Variants in SLC35F1 observed in about 807,000 individuals in gnomAD.
The protein encoded by SLC35F1 is solute carrier family 35 member F1.
Under a neutral mutation model 48.7 loss-of-function variants are expected in SLC35F1, and 14 were observed. The ratio of observed to expected loss-of-function variants is 0.29; its 90% CI spans 0.19 to 0.45. The LOEUF (loss-of-function observed/expected upper bound fraction) is 0.45, where lower values mean the gene tolerates loss of function less well. Ranked by LOEUF, SLC35F1 falls within the 20% of genes least tolerant of loss-of-function variation. SLC35F1 has a pLI of 1.00. For missense variants in SLC35F1, 404 were observed against 500.0 expected (o/e 0.81, Z 1.83); for synonymous variants, 190 against 202.2 (o/e 0.94, Z 0.51).
chr6:118,280,755 G>T (rs2114636286), intron 6 of SLC35F1, among the ~76,000 whole-genome samples: 1 of 151,958 alleles, frequency 6.6e-6, no homozygotes, highest in South Asian at 2.1e-4. Context: ...GTGCATGCCT[G>T]TAGTCCCAGC....
intron 1 of SLC35F1, among the ~76,000 whole-genome samples, chr6:118,015,930 C>T (rs1014620473): frequency 1.3e-5 from 2 of 152,168 alleles, no homozygotes; most frequent in Admixed American, 6.5e-5. Flanking sequence ...GTGCTATGAA[C>T]AGCTAAGAAA....
chr6:118,016,908 C>T (rs1777330060), intron 1 of SLC35F1, among the ~76,000 whole-genome samples: 1 of 152,230 alleles, frequency 6.6e-6, no homozygotes, highest in Non-Finnish European at 1.5e-5. Flanking sequence ...CCACCCTCGA[C>T]ATCAATAACA....
At position 118,317,652 on chromosome 6, in the gene SLC35F1, A is replaced by G. The variant is rs1776455532; in HGVS notation, c.*3400A>G. Reference sequence around the variant, plus strand: ...GCCTGTATAATGTTTTCAAATAAAAATAAATGCTTTATGAAAGCACCGAAT... The same window carrying G: ...GCCTGTATAATGTTTTCAAATAAAAGTAAATGCTTTATGAAAGCACCGAAT... On this transcript the variant is annotated 3_prime_UTR_variant, in exon 8 of 8. Coordinates refer to ENST00000360388, the MANE Select transcript of SLC35F1 (RefSeq NM_001029858.4). 6.6e-6 allele frequency: 1 copy of G among 152,270 alleles called. No homozygotes were observed. Among genetic ancestry groups the G allele is most frequent in the Non-Finnish European group, 1.5e-5 (1 of 68,048 alleles). The allele number at this position is 152,270 out of a possible 1,614,324, so 9.4% of individuals were successfully genotyped here. A position where few individuals can be genotyped will look rare whatever the true frequency, so the allele number is the denominator to read the frequency against.
rs758520455 is a variant in SLC35F1, at chr6:118,305,048, ATGTGTGTGTGTGTGTG to A, written c.1003-8950_1003-8935del. Among the ~76,000 whole-genome samples, 17 of 80,224 alleles carry A rather than the reference ATGTGTGTGTGTGTGTG, an allele frequency of 2.1e-4. No homozygotes were observed. In the Middle Eastern group the frequency reaches 0.021, roughly 97 times the overall value. The allele number at this position is 80,224 out of a possible 152,430, so 52.6% of individuals were successfully genotyped here. On this transcript the variant is annotated intron_variant, in intron 7 of 7. Coordinates refer to ENST00000360388, the MANE Select transcript of SLC35F1 (RefSeq NM_001029858.4). Reference sequence around the variant, plus strand: ...TAGCAGAGAAACAGAATCAACAGGAATGTGTGTGTGTGTGTGTGTGTGTGTGTGTGTGTGTGTGTGT... The same window carrying A: ...TAGCAGAGAAACAGAATCAACAGGAATGTGTGTGTGTGTGTGTGTGTGTGT...
At chr6:117,936,759 AC>A (rs939512441) in intron 1 of SLC35F1, among the ~76,000 whole-genome samples, 3 of 152,200 alleles carry the variant, frequency 2.0e-5, no homozygotes, top group East Asian at 1.9e-4. Context: ...TTAAAAAAAA[AC>A]TTTGTATTTT....
chr6:117,921,093 T>C (rs1272710596), intron 1 of SLC35F1, among the ~76,000 whole-genome samples: 1 of 148,132 alleles, frequency 6.8e-6, no homozygotes, highest in Non-Finnish European at 1.5e-5. Context: ...CACACACACT[T>C]ACTTAGACTG....
rs576255889 is a variant in SLC35F1 at position 118,095,158 on chromosome 6, G to A, written c.174-59287G>A. On this transcript the variant is annotated intron_variant, in intron 1 of 7. Transcript: ENST00000360388. ...AAAAGAAAAGAGAAGGCGGATAATT[G>A]GCCATTGTATTTGACAAGACAAAGG... Among the ~76,000 whole-genome samples, 3 of 152,264 alleles carry A rather than the reference G, an allele frequency of 2.0e-5. No homozygotes were observed. In the South Asian group the frequency reaches 6.2e-4, roughly 32 times the overall value.
intron 1 of SLC35F1, among the ~76,000 whole-genome samples, chr6:117,996,500 A>C (rs1340489717): frequency 6.6e-6 from 1 of 152,182 alleles, no homozygotes; most frequent in Non-Finnish European, 1.5e-5. Flanking sequence ...CTGACCCCTG[A>C]TCCCTGAGCA....
chr6:118,232,276 G>C (rs1394247637), intron 2 of SLC35F1, among the ~76,000 whole-genome samples: 5 of 152,148 alleles, frequency 3.3e-5, no homozygotes, highest in African/African-American at 1.2e-4. Context: ...TGTTGACTGG[G>C]CATAGTGGCT....
chr6:117,961,837 A>G (rs1051272487), intron 1 of SLC35F1, among the ~76,000 whole-genome samples: 1 of 152,222 alleles, frequency 6.6e-6, no homozygotes, highest in East Asian at 1.9e-4. Context: ...CAACTCAATC[A>G]ATAGCTCTTC....
chr6:118,176,828 T>G (rs1344589034), intron 2 of SLC35F1, among the ~76,000 whole-genome samples: 3 of 152,090 alleles, frequency 2.0e-5, no homozygotes, highest in Non-Finnish European at 4.4e-5. Context: ...TTCCTCCTTT[T>G]TTTTCTTTCT....
At chr6:118,287,537 G>T (rs940747918) in intron 7 of SLC35F1, among the ~76,000 whole-genome samples, 1 of 152,136 alleles carries the variant, frequency 6.6e-6, no homozygotes, top group South Asian at 2.1e-4. Context: ...GGTTTCACTG[G>T]GGTGCTTGAT....
intron 7 of SLC35F1, among the ~76,000 whole-genome samples, chr6:118,309,031 C>T (rs1352303499): frequency 1.3e-5 from 2 of 152,140 alleles, no homozygotes; most frequent in African/African-American, 2.4e-5. Flanking sequence ...TTGGCCTTAG[C>T]TCATGTGTGG....
chr6:118,238,462 G>A (rs996956335), intron 3 of SLC35F1, among the ~76,000 whole-genome samples: 5 of 129,880 alleles, frequency 3.8e-5, no homozygotes, highest in Admixed American at 8.4e-5. Flanking sequence ...ATAATAATGG[G>A]AATTTATTGA....
chr6:118,190,623 G>C (rs1305921644), intron 2 of SLC35F1, among the ~76,000 whole-genome samples: 1 of 152,092 alleles, frequency 6.6e-6, no homozygotes, highest in Non-Finnish European at 1.5e-5. Context: ...CACTTGAAGA[G>C]AGACCATTTG....
intron 1 of SLC35F1, among the ~76,000 whole-genome samples, chr6:118,128,816 A>AAAAT (rs1167245860): frequency 1.7e-4 from 22 of 126,788 alleles, no homozygotes; most frequent in Admixed American, 2.9e-4. Context: ...TATAATAATA[A>AAAAT]AAATAAATAA....
chr6:118,241,070 T>C (rs1582747620), intron 3 of SLC35F1, among the ~76,000 whole-genome samples: 1 of 152,154 alleles, frequency 6.6e-6, no homozygotes, highest in Non-Finnish European at 1.5e-5. Flanking sequence ...CTAAAGGGAA[T>C]AGAGGAAGTG....
intron 1 of SLC35F1, among the ~76,000 whole-genome samples, chr6:117,924,479 T>TACATATATGTAC: frequency 5.7e-5 from 1 of 17,610 alleles, no homozygotes; most frequent in African/African-American, 9.8e-5. Flanking sequence ...TATACATATG[T>TACATATATGTAC]ATATACGTAT....
At chr6:117,941,472 A>G (rs984993499) in intron 1 of SLC35F1, among the ~76,000 whole-genome samples, 1 of 152,234 alleles carries the variant, frequency 6.6e-6, no homozygotes, top group African/African-American at 2.4e-5. Context: ...AAAGCCATTC[A>G]GTAACAATAG....
Sources: gnomAD v4.1 joint callset for allele counts (sites outside exome capture counted in the v4.1 genomes callset) on GRCh38, gnomAD v4.1.1 for gene constraint, MANE v1.5 for transcripts, NCBI Gene and HGNC (gene_info 2026-07-23, HGNC 2026-07-21) for gene names.